Variants in GRIK2 observed in about 807,000 individuals in gnomAD.
GRIK2 encodes the protein glutamate receptor ionotropic, kainate 2.
Under a neutral mutation model 100.3 loss-of-function variants are expected in GRIK2, and 32 were observed. The ratio of observed to expected loss-of-function variants is 0.32; its 90% CI spans 0.24 to 0.43. GRIK2 has a LOEUF of 0.43. GRIK2 is among the 20% of genes least tolerant of loss of function. The probability of loss-of-function intolerance (pLI) is 1.00; values close to 1 mark genes in which losing one functional copy is unlikely to be tolerated. For synonymous variants in GRIK2, 417 were observed against 389.4 expected (o/e 1.07, Z -0.83); for missense variants, 843 against 1,114.9 (o/e 0.76, Z 3.47).
chr6:101,766,685 C>T (rs946352835), intron 7 of GRIK2, among the ~76,000 whole-genome samples: 1 of 152,120 alleles, frequency 6.6e-6, no homozygotes, highest in Non-Finnish European at 1.5e-5. Context: ...CAACTCTGCT[C>T]AAGACAGAAA....
chr6:101,719,767 T>C (rs916141079), intron 7 of GRIK2, among the ~76,000 whole-genome samples: 4 of 152,028 alleles, frequency 2.6e-5, no homozygotes, highest in African/African-American at 4.8e-5. Flanking sequence ...TGGAGGGAAG[T>C]AATGGTGGCA....
At chr6:101,441,755 T>C (rs1562140405) in intron 2 of GRIK2, among the ~76,000 whole-genome samples, 1 of 152,110 alleles carries the variant, frequency 6.6e-6, no homozygotes, top group Non-Finnish European at 1.5e-5. Context: ...TAACACCCGA[T>C]AGGTAGTTTT....
chr6:101,897,190 C>A (rs1290404740), intron 12 of GRIK2, among the ~76,000 whole-genome samples: 13 of 151,770 alleles, frequency 8.6e-5, no homozygotes, highest in African/African-American at 3.1e-4. Flanking sequence ...GCTAATAGGA[C>A]AAGAATAATA....
intron 7 of GRIK2, among the ~76,000 whole-genome samples, chr6:101,749,804 T>C (rs1378314583): frequency 4.4e-5 from 5 of 112,616 alleles, no homozygotes; most frequent in African/African-American, 2.2e-4. Flanking sequence ...TGCCAGTTTC[T>C]TTTTTTTTTT....
In GRIK2 at chr6:101,523,720, C is replaced by CTTTTTTT. The variant is rs1163558120; in HGVS notation, c.116-98216_116-98210dup. ...AAATAGAACATAATGACTCCTAAGT[C>CTTTTTTT]TTTTTTTTTTTTTTTTTTTGATGGA... On this transcript the variant is annotated intron_variant, in intron 2 of 16. Transcript: ENST00000369134. Among the ~76,000 whole-genome samples the CTTTTTTT allele has an allele frequency of 4.1e-5, 5 of 121,544 alleles. 1 individual carries two copies. Among genetic ancestry groups the CTTTTTTT allele is most frequent in the Non-Finnish European group, 3.4e-5 (2 of 58,240 alleles). The allele number at this position is 121,544 out of a possible 152,430, so 79.7% of individuals were successfully genotyped here.
intron 2 of GRIK2, among the ~76,000 whole-genome samples, chr6:101,495,638 C>G (rs948478053): frequency 6.6e-6 from 1 of 152,150 alleles, no homozygotes; most frequent in African/African-American, 2.4e-5. Context: ...TGATTATCTT[C>G]TTATGACAAA....
chr6:101,800,301 A>G (rs991835265), intron 8 of GRIK2, among the ~76,000 whole-genome samples: 2 of 151,792 alleles, frequency 1.3e-5, no homozygotes, highest in African/African-American at 2.4e-5. Context: ...TCTTATGACC[A>G]TATATCATTT....
chr6:101,846,981 T>G (rs1783848833), intron 10 of GRIK2, among the ~76,000 whole-genome samples: 1 of 151,946 alleles, frequency 6.6e-6, no homozygotes, highest in Admixed American at 6.6e-5. Flanking sequence ...CTATTTTTTT[T>G]TTCTGTTCTC....
At chr6:101,662,601 A>G (rs1306628201) in intron 4 of GRIK2, among the ~76,000 whole-genome samples, 2 of 151,924 alleles carry the variant, frequency 1.3e-5, no homozygotes, top group Non-Finnish European at 2.9e-5. Flanking sequence ...TCTCTCCACC[A>G]AACACCACAG....
intron 2 of GRIK2, among the ~76,000 whole-genome samples, chr6:101,429,078 C>A (rs939177370): frequency 1.3e-5 from 2 of 152,224 alleles, no homozygotes; most frequent in African/African-American, 4.8e-5. Context: ...GTTTTGCAAT[C>A]TAATTATATG....
chr6:101,477,723 G>T (rs1414792279), intron 2 of GRIK2, among the ~76,000 whole-genome samples: 1 of 151,938 alleles, frequency 6.6e-6, no homozygotes, highest in African/African-American at 2.4e-5. Context: ...CTGCCACATA[G>T]AAATGCCAAT....
intron 14 of GRIK2, among the ~76,000 whole-genome samples, chr6:101,969,846 C>T (rs2128485500): frequency 6.6e-6 from 1 of 152,064 alleles, no homozygotes; most frequent in Non-Finnish European, 1.5e-5. Flanking sequence ...ATGTGAAAGA[C>T]TTGGAGTTAT....
At chr6:101,958,273 G>GTGTGTGTGTC (rs1344424643) in intron 14 of GRIK2, among the ~76,000 whole-genome samples, 6 of 151,582 alleles carry the variant, frequency 4.0e-5, no homozygotes, top group African/African-American at 9.7e-5. Context: ...GTGTGTGTGT[G>GTGTGTGTGTC]TGTGTGTGTG....
chr6:101,492,370 T>A (rs541824197), intron 2 of GRIK2, among the ~76,000 whole-genome samples: 146 of 151,968 alleles, frequency 9.6e-4, no homozygotes, highest in African/African-American at 3.3e-3. Context: ...ATTACCAACT[T>A]CAGAGAAAGT....
intron 4 of GRIK2, among the ~76,000 whole-genome samples, chr6:101,674,654 T>TAGTAGAAA (rs1770695749): frequency 6.6e-6 from 1 of 152,208 alleles, no homozygotes; most frequent in African/African-American, 2.4e-5. Flanking sequence ...TTGTAGTATG[T>TAGTAGAAA]TTAATGGATG....
At chr6:101,782,618 CTT>C (rs1227467132) in intron 7 of GRIK2, among the ~76,000 whole-genome samples, 2 of 152,230 alleles carry the variant, frequency 1.3e-5, no homozygotes, top group African/African-American at 4.8e-5. Flanking sequence ...CTGATGAACA[CTT>C]AGGTTGATTC....
chr6:101,395,351 A>G (rs1774960926), intron 1 of GRIK2, among the ~76,000 whole-genome samples: 1 of 152,238 alleles, frequency 6.6e-6, no homozygotes, highest in East Asian at 1.9e-4. Flanking sequence ...TGACAAGTCA[A>G]GTGGAATCCT....
At chr6:101,616,894 A>C (rs888329201) in intron 2 of GRIK2, among the ~76,000 whole-genome samples, 1 of 151,596 alleles carries the variant, frequency 6.6e-6, no homozygotes, top group African/African-American at 2.4e-5. Flanking sequence ...ATTATTTATG[A>C]ATATTATCTA....
chr6:101,543,371 A>T (rs1029307632), intron 2 of GRIK2, among the ~76,000 whole-genome samples: 3 of 152,184 alleles, frequency 2.0e-5, no homozygotes, highest in African/African-American at 7.2e-5. Context: ...GGAAAATGTA[A>T]ACCTTTCTAC....
Sources: gnomAD v4.1 joint callset for allele counts (sites outside exome capture counted in the v4.1 genomes callset) on GRCh38, gnomAD v4.1.1 for gene constraint, MANE v1.5 for transcripts, NCBI Gene and HGNC (gene_info 2026-07-23, HGNC 2026-07-21) for gene names.